The following DOCK1 variants were observed in gnomAD, a reference collection of about 807,000 sequenced individuals.
The protein encoded by DOCK1 is dedicator of cytokinesis 1.
In DOCK1, 138 loss-of-function variants were observed where a neutral mutation model predicts 262.7. The ratio of observed to expected loss-of-function variants is 0.53; its 90% CI spans 0.46 to 0.61. The LOEUF is 0.61. Among genes scored for constraint, DOCK1 ranks in the 20% least tolerant of loss-of-function variants. DOCK1 has a pLI of 0.00. For synonymous variants in DOCK1, 866 were observed against 867.4 expected (o/e 1.00, Z 0.03); for missense variants, 1,908 against 2,370.7 (o/e 0.80, Z 4.05).
chr10:127,126,411 T>G (rs11815475), intron 26 of DOCK1, among the ~76,000 whole-genome samples: 2,835 of 144,226 alleles, frequency 0.02, 97 homozygotes, highest in African/African-American at 0.064. Context: ...ATTGTATGCT[T>G]CTTTCAGGGA....
chr10:127,156,247 T>C (rs2053033414), intron 27 of DOCK1, among the ~76,000 whole-genome samples: 1 of 152,198 alleles, frequency 6.6e-6, no homozygotes. Context: ...CTAATTATGC[T>C]AGCCCCACTT....
At position 127,004,293 on chromosome 10, in the gene DOCK1, T is replaced by C. The variant is rs111557074; in HGVS notation, c.985+3986T>C. Among the ~76,000 whole-genome samples, 380 of 151,752 alleles carry C rather than the reference T, an allele frequency of 2.5e-3. 1 individual carries two copies. Among genetic ancestry groups the C allele is most frequent in the African/African-American group, 8.9e-3 (369 of 41,404 alleles). On this transcript the variant is annotated intron_variant, in intron 10 of 51. Coordinates refer to ENST00000623213, the MANE Select transcript of DOCK1 (RefSeq NM_001290223.2). Reference sequence around the variant, plus strand: ...AAACAAAACAAAAGTAAGGACCTGATCGTTCTGCTTGTGGAGTTTCCAGTT... The same window carrying C: ...AAACAAAACAAAAGTAAGGACCTGACCGTTCTGCTTGTGGAGTTTCCAGTT...
At chr10:127,412,268 C>G (rs955200917) in intron 43 of DOCK1, among the ~76,000 whole-genome samples, 3 of 152,010 alleles carry the variant, frequency 2.0e-5, no homozygotes, top group Non-Finnish European at 2.9e-5. Flanking sequence ...GGCCCTAGAG[C>G]CTTTTAAAAA....
At chr10:127,302,828 TGAGAACA>T (rs1415603210) in intron 29 of DOCK1, among the ~76,000 whole-genome samples, 6 of 146,634 alleles carry the variant, frequency 4.1e-5, no homozygotes, top group Non-Finnish European at 9.0e-5. Flanking sequence ...TCAAAATGGG[TGAGAACA>T]GAGAACAGCA....
At chr10:126,971,719 G>C (rs2038122250) in intron 2 of DOCK1, among the ~76,000 whole-genome samples, 1 of 152,122 alleles carries the variant, frequency 6.6e-6, no homozygotes, top group South Asian at 2.1e-4. Context: ...TGCCTAGCCT[G>C]CTTCATTGTT....
At chr10:127,140,308 G>A (rs541173225) in intron 27 of DOCK1, among the ~76,000 whole-genome samples, 3 of 152,132 alleles carry the variant, frequency 2.0e-5, no homozygotes, top group Non-Finnish European at 2.9e-5. Flanking sequence ...TTTATCTGTC[G>A]AGTTGATTCC....
chr10:127,002,986 G>C (rs1048866452), intron 10 of DOCK1, among the ~76,000 whole-genome samples: 2 of 152,248 alleles, frequency 1.3e-5, no homozygotes, highest in Non-Finnish European at 2.9e-5. Flanking sequence ...GGCACATGGG[G>C]TGTCCCCCCT....
At chr10:127,065,693 C>T (rs990820551) in intron 23 of DOCK1, among the ~76,000 whole-genome samples, 1 of 152,154 alleles carries the variant, frequency 6.6e-6, no homozygotes, top group Admixed American at 6.5e-5. Flanking sequence ...CGCAGCTCCT[C>T]CAGCTCCAGG....
chr10:127,265,860 G>A (rs2060333552), intron 29 of DOCK1, among the ~76,000 whole-genome samples: 1 of 152,248 alleles, frequency 6.6e-6, no homozygotes, highest in African/African-American at 2.4e-5. Flanking sequence ...TTCCACCTTG[G>A]AGATGCCAGT....
chr10:127,301,099 C>G (rs1408749652), intron 29 of DOCK1, among the ~76,000 whole-genome samples: 1 of 152,188 alleles, frequency 6.6e-6, no homozygotes, highest in African/African-American at 2.4e-5. Flanking sequence ...AATCAGAGCT[C>G]TGTAAAAGCC....
chr10:127,298,884 G>A (rs911185758), intron 29 of DOCK1, among the ~76,000 whole-genome samples: 1 of 152,112 alleles, frequency 6.6e-6, no homozygotes, highest in Non-Finnish European at 1.5e-5. Context: ...GGTGTCCTGG[G>A]GATTGTTTTA....
chr10:126,988,133 G>C (rs1252823470), intron 5 of DOCK1: 1 of 152,174 alleles, frequency 6.6e-6, no homozygotes, highest in East Asian at 1.9e-4. Flanking sequence ...CTAGCTTCGT[G>C]TGCAATTGTC....
chr10:127,344,685 TG>T (rs2063557549), intron 31 of DOCK1: 1 of 152,226 alleles, frequency 6.6e-6, no homozygotes, highest in Admixed American at 6.5e-5. Flanking sequence ...ACATCATCTC[TG>T]GAGAGTAAGA....
At chr10:126,917,637 G>C (rs1288232726) in intron 1 of DOCK1, among the ~76,000 whole-genome samples, 1 of 152,136 alleles carries the variant, frequency 6.6e-6, no homozygotes, top group Non-Finnish European at 1.5e-5. Context: ...ATTGGCCTCC[G>C]GACCCCTTCT....
chr10:127,094,936 T>C (rs1332181211), intron 23 of DOCK1, among the ~76,000 whole-genome samples: 1 of 152,166 alleles, frequency 6.6e-6, no homozygotes, highest in Non-Finnish European at 1.5e-5. Context: ...TTTCACCAAT[T>C]TGGGGGCTAT....
Position 127,260,935 on chromosome 10 carries a change from G to C in DOCK1, c.3044+3506G>C, listed in dbSNP as rs2060032314. 8.3e-5 allele frequency among the ~76,000 whole-genome samples: 12 copies of C among 145,364 alleles called. No individual in the cohort carries two copies. In the South Asian group the frequency reaches 1.1e-3, roughly 14 times the overall value. ...CACGTGTGTGCATGTGGGTGTGTGT[G>C]TGTACCCGTGCTCATCTGTGTGTGT... On this transcript the variant is annotated intron_variant, in intron 29 of 51. Transcript: ENST00000623213.
chr10:127,021,197 G>A (rs995904105), intron 13 of DOCK1, among the ~76,000 whole-genome samples: 3 of 152,094 alleles, frequency 2.0e-5, no homozygotes, highest in Admixed American at 1.3e-4. Flanking sequence ...TGGGAGTTTC[G>A]CCCTGTCACC....
chr10:127,172,018 T>G (rs1308819864), intron 27 of DOCK1, among the ~76,000 whole-genome samples: 1 of 152,250 alleles, frequency 6.6e-6, no homozygotes, highest in Non-Finnish European at 1.5e-5. Context: ...ACTGATATTT[T>G]AACTTGGTCA....
At chr10:126,953,119 T>C (rs1267958942) in intron 1 of DOCK1, among the ~76,000 whole-genome samples, 1 of 151,686 alleles carries the variant, frequency 6.6e-6, no homozygotes, top group Non-Finnish European at 1.5e-5. Context: ...TTGGTGATGG[T>C]GGTGGTGGAA....
Sources: gnomAD v4.1 joint callset for allele counts (sites outside exome capture counted in the v4.1 genomes callset) on GRCh38, gnomAD v4.1.1 for gene constraint, MANE v1.5 for transcripts, NCBI Gene and HGNC (gene_info 2026-07-23, HGNC 2026-07-21) for gene names.